DPY19L1: variants seen among roughly 807,000 people sequenced by gnomAD.
DPY19L1 encodes the protein protein C-mannosyl-transferase DPY19L1.
DPY19L1 carries 35 observed loss-of-function variants against 96.9 expected under a neutral mutation model. That is an observed-to-expected ratio of 0.36 (90% CI 0.28 to 0.48). The LOEUF (loss-of-function observed/expected upper bound fraction) is 0.48, where lower values mean the gene tolerates loss of function less well. Among genes scored for constraint, DPY19L1 ranks in the 20% least tolerant of loss-of-function variants. DPY19L1 has a pLI of 0.99. For synonymous variants in DPY19L1, 205 were observed against 252.6 expected (o/e 0.81, Z 1.79); for missense variants, 521 against 777.9 (o/e 0.67, Z 3.93).
upstream of DPY19L1, chr7:35,037,764 G>C: frequency 1.8e-6 from 2 of 1,124,108 alleles, no homozygotes; most frequent in Non-Finnish European, 1.1e-6. Context: ...GCGCGCACGC[G>C]CGGACTTCCG....
chr7:35,016,835 G>T (rs1457125557), intron 3 of DPY19L1, among the ~76,000 whole-genome samples: 1 of 152,188 alleles, frequency 6.6e-6, no homozygotes, highest in Non-Finnish European at 1.5e-5. Flanking sequence ...ATTATTGTGG[G>T]TAATTCTATA....
intron 15 of DPY19L1, 67 bp from the exon 16 acceptor site, chr7:34,945,783 T>G: frequency 9.6e-7 from 1 of 1,043,848 alleles, no homozygotes. Context: ...AAATAAAGTA[T>G]CTTCTAAACT....
chr7:34,959,891 GTATATAAA>G (rs1222468725), intron 10 of DPY19L1, among the ~76,000 whole-genome samples: 2 of 103,668 alleles, frequency 1.9e-5, no homozygotes, highest in Non-Finnish European at 3.8e-5. Context: ...ATGTTTATTT[GTATATAAA>G]TATATATATA....
At chr7:34,950,338 A>G (rs1220828776) in intron 13 of DPY19L1, among the ~76,000 whole-genome samples, 48 of 152,230 alleles carry the variant, frequency 3.2e-4, no homozygotes, top group Non-Finnish European at 1.3e-4. Context: ...ACTTGAGTGA[A>G]GTAGAAATGG....
intron 16 of DPY19L1, 67 bp downstream of exon 16, chr7:34,945,600 A>G: frequency 1.8e-6 from 2 of 1,119,172 alleles, no homozygotes; most frequent in Non-Finnish European, 2.6e-6. Context: ...TATACAATTA[A>G]TACACTGTAA....
chr7:35,009,776 T>TA (rs1785654893), intron 6 of DPY19L1, among the ~76,000 whole-genome samples: 4 of 152,168 alleles, frequency 2.6e-5, no homozygotes, highest in African/African-American at 4.8e-5. Flanking sequence ...AGACTTTTTT[T>TA]ACACCAAAAC....
At chr7:35,017,003 G>GTT (rs1010666910) in intron 3 of DPY19L1, among the ~76,000 whole-genome samples, 1 of 139,092 alleles carries the variant, frequency 7.2e-6, no homozygotes, top group Admixed American at 7.1e-5. Flanking sequence ...CTGTTTTTTT[G>GTT]TTTTTTTTTT....
At chr7:34,953,110 C>A (rs927513061) in intron 13 of DPY19L1, among the ~76,000 whole-genome samples, 3 of 152,122 alleles carry the variant, frequency 2.0e-5, no homozygotes, top group African/African-American at 7.2e-5. Context: ...AACCTACGCT[C>A]AGAGGCACTA....
intron 6 of DPY19L1, among the ~76,000 whole-genome samples, chr7:35,002,073 G>A (rs1331612664): frequency 6.8e-6 from 1 of 147,074 alleles, no homozygotes; most frequent in African/African-American, 2.5e-5. Flanking sequence ...GTTGCAGTGA[G>A]TCAAGATCGT....
chr7:35,023,820 TTTC>T (rs1175513673), intron 1 of DPY19L1, among the ~76,000 whole-genome samples: 1 of 134,942 alleles, frequency 7.4e-6, no homozygotes, highest in East Asian at 2.0e-4. Flanking sequence ...ATATATTCTT[TTTC>T]TTTTCTTTTC....
intron 1 of DPY19L1, among the ~76,000 whole-genome samples, chr7:35,022,259 A>T (rs1786012881): frequency 6.6e-6 from 1 of 152,244 alleles, no homozygotes; most frequent in East Asian, 1.9e-4. Context: ...AAAAAATCAG[A>T]ACATAAAATA....
At chr7:35,021,022 T>A (rs1001023141) in intron 1 of DPY19L1, among the ~76,000 whole-genome samples, 66 of 152,256 alleles carry the variant, frequency 4.3e-4, no homozygotes, top group African/African-American at 1.4e-3. Context: ...ATTCTTCATT[T>A]TAAACAGTAT....
In DPY19L1 at chr7:34,941,753, A is replaced by G. The variant is rs766028050; in HGVS notation, c.1689+12T>C. 4.4e-6 allele frequency: 7 copies of G among 1,597,884 alleles called. No individual in the cohort carries two copies. The highest frequency in any genetic ancestry group is 2.2e-5 in the East Asian group (1 of 44,708). On this transcript the variant is annotated intron_variant, in intron 18 of 21. Coordinates refer to ENST00000638088, the MANE Select transcript of DPY19L1 (RefSeq NM_001366673.1). The stretch of plus-strand genomic sequence containing the variant: ...ATTATCATAGTAGCTATACTCCAAC[A>G]TAACATGTTACCTGTCTTGAGCAGA...
chr7:34,956,090 A>G (rs915305124), intron 11 of DPY19L1, among the ~76,000 whole-genome samples: 3 of 152,182 alleles, frequency 2.0e-5, no homozygotes, highest in African/African-American at 7.2e-5. Context: ...CTTAATTCGT[A>G]CCTAAGGCAC....
chr7:34,939,432 C>T, intron 19 of DPY19L1, 57 bp from the exon 20 acceptor site: 1 of 1,447,800 alleles, frequency 6.9e-7, no homozygotes, highest in Non-Finnish European at 9.7e-7. Flanking sequence ...GAAGGTGTCT[C>T]CTTCAAGTGT....
chr7:34,968,907 T>G (rs1784667372), intron 9 of DPY19L1, among the ~76,000 whole-genome samples: 1 of 151,928 alleles, frequency 6.6e-6, no homozygotes, highest in African/African-American at 2.4e-5. Context: ...TACCTCCATT[T>G]ATAGTGGGCA....
intron 7 of DPY19L1, among the ~76,000 whole-genome samples, chr7:34,979,510 T>C (rs1784895702): frequency 6.6e-6 from 1 of 152,132 alleles, no homozygotes; most frequent in Non-Finnish European, 1.5e-5. Flanking sequence ...CTTAGTAGAA[T>C]ATACTCTTAG....
chr7:35,012,170 G>A (rs775243946), intron 4 of DPY19L1, among the ~76,000 whole-genome samples: 90 of 152,284 alleles, frequency 5.9e-4, no homozygotes, highest in Middle Eastern at 3.4e-3. Context: ...TCTGATGACC[G>A]ACTAGTCAAT....
intron 8 of DPY19L1, among the ~76,000 whole-genome samples, chr7:34,970,987 T>C (rs1357096972): frequency 6.6e-6 from 1 of 152,184 alleles, no homozygotes. Context: ...ACTAACCTTA[T>C]TTATAAATGA....
Sources: gnomAD v4.1 joint callset for allele counts (sites outside exome capture counted in the v4.1 genomes callset) on GRCh38, gnomAD v4.1.1 for gene constraint, MANE v1.5 for transcripts, NCBI Gene and HGNC (gene_info 2026-07-23, HGNC 2026-07-21) for gene names.